ZDHHC23: variants seen among roughly 807,000 people sequenced by gnomAD.
ZDHHC23 encodes the protein zDHHC palmitoyltransferase 23.
In ZDHHC23, 41 loss-of-function variants were observed where a neutral mutation model predicts 40.2. The observed-to-expected ratio is 1.02, with a 90% confidence interval of 0.79 to 1.32. ZDHHC23 has a LOEUF of 1.32. Ranked by LOEUF, ZDHHC23 falls within the 40% of genes most tolerant of loss-of-function variation. The pLI, the probability that ZDHHC23 is intolerant of heterozygous loss-of-function variation, is 0.00. For synonymous variants in ZDHHC23, 204 were observed against 210.2 expected (o/e 0.97, Z 0.26); for missense variants, 471 against 541.5 (o/e 0.87, Z 1.29).
Position 113,960,785 on chromosome 3 carries a change from G to C in ZDHHC23, c.*2155G>C, listed in dbSNP as rs1939628417. 1 of 1,510,168 alleles carries C rather than the reference G, an allele frequency of 6.6e-7. No individual in the cohort carries two copies. The highest frequency in any genetic ancestry group is 8.8e-7 in the Non-Finnish European group (1 of 1,138,138). 93.5% of individuals were successfully genotyped at this position (1,510,168 alleles called of 1,614,324 possible). A position where few individuals can be genotyped will look rare whatever the true frequency, so the allele number is the denominator to read the frequency against. On this transcript the variant is annotated 3_prime_UTR_variant, in exon 5 of 5. Coordinates refer to ENST00000638807, the MANE Select transcript of ZDHHC23 (RefSeq NM_001320466.2). ...AGGAAGGGACTCTGTGTATTATTCAGGTTTATTGGCACGAAGATACTTGTT... is the reference window on the plus strand; with the variant it reads ...AGGAAGGGACTCTGTGTATTATTCACGTTTATTGGCACGAAGATACTTGTT...
chr3:113,958,589 G>C lies in ZDHHC23; in HGVS notation c.1267G>C (p.Gly423Arg). Reference protein sequence around the residue: ...LRNWHQFSTLGTRAFHHPAED... With the variant: ...LRNWHQFSTLRTRAFHHPAED... The stretch of plus-strand genomic sequence containing the variant: ...GAACTGGCACCAGTTCTCCACCCTG[G>C]GCACACGTGCATTCCACCACCCTGC... Residue 423 changes from glycine to arginine, a missense_variant, in exon 5 of 5, where the codon GGC (glycine) becomes CGC (arginine). Gly to Arg is a moderately radical substitution (Grantham distance 125). Around this residue, in one of 3 missense-constraint regions of ZDHHC23, gnomAD observed 346 missense variants for 399.8 expected, o/e 0.87. Transcript: ENST00000638807. 6.2e-7 allele frequency: 1 copy of C among 1,605,992 alleles called. No individual in the cohort carries two copies. Among genetic ancestry groups the C allele is most frequent in the Non-Finnish European group, 8.5e-7 (1 of 1,179,728 alleles).
chr3:113,963,554 T>C (rs970804142), downstream of ZDHHC23, among the ~76,000 whole-genome samples: 1 of 118,878 alleles, frequency 8.4e-6, no homozygotes, highest in Non-Finnish European at 1.6e-5. Context: ...CTGGGCAACA[T>C]GGTGAAACTC....
At chr3:113,978,896 G>C in the ZDHHC23 span, 88 of 1,613,808 alleles carry the variant, frequency 5.5e-5, no homozygotes, top group Non-Finnish European at 6.0e-5. Context: ...AGCAGTATTT[G>C]GGAATAAAAT....
At chr3:113,955,691 A>T (rs944825216) in intron 3 of ZDHHC23, among the ~76,000 whole-genome samples, 1 of 152,138 alleles carries the variant, frequency 6.6e-6, no homozygotes, top group African/African-American at 2.4e-5. Context: ...AGTTTTCATA[A>T]TTCTATTTAT....
In ZDHHC23 at chr3:113,958,604, C is replaced by T. The variant is rs1477729486; in HGVS notation, c.1282C>T (p.His428Tyr). 1.2e-6 allele frequency: 2 copies of T among 1,602,196 alleles called. No individual in the cohort carries two copies. The highest frequency in any genetic ancestry group is 1.1e-5 in the South Asian group (1 of 90,614). Residue 428 changes from histidine to tyrosine, a missense_variant, in exon 5 of 5, where the codon CAC (histidine) becomes TAC (tyrosine). Physicochemically the swap from His to Tyr is moderately conservative, Grantham distance 83 (BLOSUM62 2). Transcript: ENST00000638807. ...CTCCACCCTGGGCACACGTGCATTCCACCACCCTGCCGAGGACATTGTCTG... is the reference window on the plus strand; with the variant it reads ...CTCCACCCTGGGCACACGTGCATTCTACCACCCTGCCGAGGACATTGTCTG... ...QFSTLGTRAF[H>Y]HPAEDIV is the part of the protein sequence containing the mutation.
chr3:113,969,636 T>C (rs898712836), downstream of ZDHHC23, among the ~76,000 whole-genome samples: 12 of 152,346 alleles, frequency 7.9e-5, no homozygotes, highest in African/African-American at 2.4e-4. Flanking sequence ...CTTGGCACTT[T>C]TGTCAAAGAT....
rs1939217677 is a variant in ZDHHC23 at position 113,956,251 on chromosome 3, AAAAT to A, written c.873-84_873-81del. 4.2e-6 allele frequency: 6 copies of A among 1,436,724 alleles called. No homozygotes were observed. In the African/African-American group the frequency reaches 7.1e-5, roughly 17 times the overall value. The allele number at this position is 1,436,724 out of a possible 1,614,324, so 89.0% of individuals were successfully genotyped here. A position where few individuals can be genotyped will look rare whatever the true frequency, so the allele number is the denominator to read the frequency against. On this transcript the variant is annotated intron_variant, in intron 3 of 4. Coordinates refer to ENST00000638807, the MANE Select transcript of ZDHHC23 (RefSeq NM_001320466.2). ...TACAGAGCAAGACTCCGTCTCAAAAAAAATAAAGCTTTCATGTTTATTATGTAAG... is the reference window on the plus strand; with the variant it reads ...TACAGAGCAAGACTCCGTCTCAAAAAAAAGCTTTCATGTTTATTATGTAAG...
rs1939795223 is a variant in ZDHHC23 at position 113,962,933 on chromosome 3, CTGTG to C, written c.*4304_*4307del. On this transcript the variant is annotated 3_prime_UTR_variant, in exon 5 of 5. Coordinates refer to ENST00000638807, the MANE Select transcript of ZDHHC23 (RefSeq NM_001320466.2). Reference sequence around the variant, plus strand: ...ACTTCCATTTATGTAAAATAACGTCCTGTGACCAAGTTGTTTAAATGGAAAATAA... The same window carrying C: ...ACTTCCATTTATGTAAAATAACGTCCACCAAGTTGTTTAAATGGAAAATAA... 1 of 152,156 alleles carries C rather than the reference CTGTG, an allele frequency of 6.6e-6. No individual in the cohort carries two copies. The highest frequency in any genetic ancestry group is 2.4e-5 in the African/African-American group (1 of 41,424). 9.4% of individuals were successfully genotyped at this position (152,156 alleles called of 1,614,324 possible).
At chr3:113,957,287 A>G (rs918357989) in intron 4 of ZDHHC23, among the ~76,000 whole-genome samples, 18 of 152,084 alleles carry the variant, frequency 1.2e-4, no homozygotes, top group African/African-American at 3.6e-4. Context: ...TTTCAGAACA[A>G]TCCTTGCTTT....
intron 2 of ZDHHC23, among the ~76,000 whole-genome samples, chr3:113,952,145 A>C (rs558056092): frequency 3.9e-5 from 6 of 152,148 alleles, no homozygotes; most frequent in Admixed American, 2.0e-4. Context: ...CTCAAAAAAA[A>C]AAAAATTTCT....
At chr3:113,975,753 G>A in the ZDHHC23 span, among the ~76,000 whole-genome samples, 1 of 152,214 alleles carries the variant, frequency 6.6e-6, no homozygotes, top group African/African-American at 2.4e-5. Flanking sequence ...TGAAGCAGAA[G>A]TGAGCTTTGT....
intron 2 of ZDHHC23, among the ~76,000 whole-genome samples, chr3:113,950,693 C>T (rs1312344384): frequency 6.6e-6 from 1 of 152,188 alleles, no homozygotes; most frequent in Non-Finnish European, 1.5e-5. Context: ...CTTAGCTCAT[C>T]CCAGTGTCAA....
chr3:113,952,124 C>G (rs1938729199), intron 2 of ZDHHC23, among the ~76,000 whole-genome samples: 1 of 151,380 alleles, frequency 6.6e-6, no homozygotes, highest in Non-Finnish European at 1.5e-5. Flanking sequence ...GCAACAAGAG[C>G]AAAACTCTGT....
rs1939784613 is a variant in ZDHHC23 at position 113,962,813 on chromosome 3, T to A, written c.*4183T>A. 1 of 152,208 alleles carries A rather than the reference T, an allele frequency of 6.6e-6. No homozygotes were observed. The highest frequency in any genetic ancestry group is 2.1e-4 in the South Asian group (1 of 4,832). 9.4% of individuals were successfully genotyped at this position (152,208 alleles called of 1,614,324 possible). A position where few individuals can be genotyped will look rare whatever the true frequency, so the allele number is the denominator to read the frequency against. On this transcript the variant is annotated 3_prime_UTR_variant, in exon 5 of 5. Coordinates refer to ENST00000638807, the MANE Select transcript of ZDHHC23 (RefSeq NM_001320466.2). ...GAAGCCAACTCCGGAGGCTGTGGGC[T>A]GCACATTTTGCACTGTTTTTATATA...
intron 4 of ZDHHC23, among the ~76,000 whole-genome samples, chr3:113,957,043 GA>G (rs1939294482): frequency 1.3e-5 from 2 of 152,024 alleles, no homozygotes; most frequent in African/African-American, 4.8e-5. Flanking sequence ...AATCACCACT[GA>G]TGATTACTGT....
At chr3:113,952,938 CATTGGGG>C (rs1261999546) in intron 2 of ZDHHC23, among the ~76,000 whole-genome samples, 1 of 152,172 alleles carries the variant, frequency 6.6e-6, no homozygotes, top group Non-Finnish European at 1.5e-5. Flanking sequence ...AATACTCTTG[CATTGGGG>C]ATTGGGTTTC....
At chr3:113,975,106 G>T in the ZDHHC23 span, among the ~76,000 whole-genome samples, 1 of 151,460 alleles carries the variant, frequency 6.6e-6, no homozygotes, top group South Asian at 2.1e-4. Context: ...TGGGGTGTAG[G>T]TCTGTGACTT....
At chr3:113,948,601 C>A (rs973303282) in intron 1 of ZDHHC23, 85 bp from the exon 2 acceptor site, 9 of 568,226 alleles carry the variant, frequency 1.6e-5, no homozygotes, top group Admixed American at 9.1e-5. Flanking sequence ...AACCCTGGAG[C>A]CCCCTGTGTG....
At chr3:113,957,667 G>T (rs1375327915) in intron 4 of ZDHHC23, 2 of 490,742 alleles carry the variant, frequency 4.1e-6, no homozygotes, top group Non-Finnish European at 8.2e-6. Context: ...TTTTACAAAT[G>T]AAGATTCTGA....
Sources: gnomAD v4.1 joint callset for allele counts (sites outside exome capture counted in the v4.1 genomes callset) on GRCh38, gnomAD v4.1.1 for gene constraint, gnomAD v4.1.1 regional missense constraint, MANE v1.5 for transcripts, NCBI Gene and HGNC (gene_info 2026-07-23, HGNC 2026-07-21) for gene names.